VGLL4: variants seen among roughly 807,000 people sequenced by gnomAD.
The protein encoded by VGLL4 is transcription cofactor vestigial-like protein 4.
VGLL4 carries 7 observed loss-of-function variants against 21.0 expected under a neutral mutation model. That is an observed-to-expected ratio of 0.33 (90% CI 0.19 to 0.63). The LOEUF (loss-of-function observed/expected upper bound fraction) is 0.63. VGLL4 is among the 20% of genes least tolerant of loss of function. The probability of loss-of-function intolerance (pLI) is 0.78; values close to 1 mark genes in which losing one functional copy is unlikely to be tolerated. For synonymous variants in VGLL4, 222 were observed against 173.2 expected, an observed-to-expected ratio of 1.28 and a Z score of -2.21; for missense variants, 394 against 425.7, an observed-to-expected ratio of 0.93 and a Z score of 0.66.
In VGLL4 at chr3:11,643,432, T is replaced by A. The variant is rs2075734584; in HGVS notation, c.82+5A>T. The A allele has an allele frequency of 6.2e-7, 1 of 1,614,004 alleles. No homozygotes were observed. Among genetic ancestry groups the A allele is most frequent in the Admixed American group, 1.7e-5 (1 of 60,030 alleles). Reference sequence around the variant, plus strand: ...CGGGCAGTAATTCTACAACGGGACATCTACCTTCGTAGCACAGAATGCCGA... The same window carrying A: ...CGGGCAGTAATTCTACAACGGGACAACTACCTTCGTAGCACAGAATGCCGA... On this transcript the variant is annotated splice_donor_5th_base_variant and intron_variant, in intron 1 of 4. Transcript: ENST00000430365.
At chr3:11,585,567 A>C (rs2074343392) in intron 2 of VGLL4, among the ~76,000 whole-genome samples, 1 of 148,606 alleles carries the variant, frequency 6.7e-6, no homozygotes, top group Non-Finnish European at 1.5e-5. Context: ...TGTAGGTTTA[A>C]GGAGAAAAAG....
upstream of VGLL4, among the ~76,000 whole-genome samples, chr3:11,647,989 T>A (rs949313872): frequency 3.3e-4 from 48 of 147,464 alleles, no homozygotes; most frequent in African/African-American, 9.2e-4. Flanking sequence ...AGCTCATCCA[T>A]AAAAAAAAAA....
chr3:11,567,664 CA>C (rs1390529504), intron 2 of VGLL4, among the ~76,000 whole-genome samples: 1 of 152,200 alleles, frequency 6.6e-6, no homozygotes, highest in African/African-American at 2.4e-5. Context: ...TGATCCCAGA[CA>C]CCGATGTCAC....
chr3:11,602,103 C>T lies in VGLL4; in HGVS notation c.83-81G>A. On this transcript the variant is annotated intron_variant, in intron 1 of 4. Transcript: ENST00000430365. ...CCCCCAGGCTCCCCGCCCGCCCAGC[C>T]AGCCCCTTACAAAACTACTCCCAGT... is the stretch of plus-strand genomic sequence containing the variant. 5 of 1,339,642 alleles carry T rather than the reference C, an allele frequency of 3.7e-6. 1 individual carries two copies. In the South Asian group the frequency reaches 8.7e-5, roughly 23 times the overall value. The allele number at this position is 1,339,642 out of a possible 1,614,324, so 83.0% of individuals were successfully genotyped here.
intron 2 of VGLL4, chr3:11,569,002 G>A: frequency 2.0e-6 from 2 of 1,025,104 alleles, no homozygotes; most frequent in Non-Finnish European, 2.4e-6. Flanking sequence ...CATCATCCAG[G>A]ACAGAGCTTT....
At chr3:11,718,684 C>G (rs138693594) in intron 1 of VGLL4, among the ~76,000 whole-genome samples, 1,763 of 151,880 alleles carry the variant, frequency 0.012, 32 homozygotes, top group African/African-American at 0.04. Context: ...GGGTATAGAA[C>G]AAGATATTAA....
At position 11,558,532 on chromosome 3, in the gene VGLL4, GTGT is replaced by G. The variant is rs757854006; in HGVS notation, c.*21_*23del. ...GCTCAGGCAAACCATGCAGATCCAC[GTGT>G]TGTTGGAGGAGGCGCTCCCTTCAGG... On this transcript the variant is annotated 3_prime_UTR_variant, in exon 5 of 5. Transcript: ENST00000430365. 6.8e-6 allele frequency: 10 copies of G among 1,475,436 alleles called. No individual in the cohort carries two copies. The highest frequency in any genetic ancestry group is 1.5e-5 in the African/African-American group (1 of 67,914). 91.4% of individuals were successfully genotyped at this position (1,475,436 alleles called of 1,614,324 possible).
chr3:11,683,072 C>T (rs2076398610), intron 2 of VGLL4, among the ~76,000 whole-genome samples: 1 of 151,882 alleles, frequency 6.6e-6, no homozygotes, highest in Non-Finnish European at 1.5e-5. Flanking sequence ...ACTAAAAATA[C>T]AAAAACCAGC....
In VGLL4 at chr3:11,568,882, CCCGGCCCCGCCCCGGGCCT is replaced by C; in HGVS notation, c.273-3882_273-3864del. On this transcript the variant is annotated intron_variant, in intron 2 of 4. Coordinates refer to ENST00000430365, the MANE Select transcript of VGLL4 (RefSeq NM_001128219.3). This position sits in a 1 kb window ranked among gnomAD's most constrained non-coding sequence, Gnocchi z 5.9. ...TCAGAGCCGCTGAGGCTGCACGGCA[CCCGGCCCCGCCCCGGGCCT>C]CATCCCCATCCTAGGCGGGCACTTC... is the stretch of plus-strand genomic sequence containing the variant. 2.2e-6 allele frequency: 3 copies of C among 1,337,260 alleles called. No homozygotes were observed. The highest frequency in any genetic ancestry group is 2.9e-6 in the Non-Finnish European group (3 of 1,041,744). The allele number at this position is 1,337,260 out of a possible 1,614,324, so 82.8% of individuals were successfully genotyped here.
chr3:11,561,484 C>T (rs373869317), intron 3 of VGLL4, among the ~76,000 whole-genome samples: 3 of 152,318 alleles, frequency 2.0e-5, no homozygotes, highest in East Asian at 3.9e-4. Context: ...TCCTCCTCCC[C>T]ACAACCCAGG....
intron 1 of VGLL4, among the ~76,000 whole-genome samples, chr3:11,704,595 T>A (rs949923653): frequency 1.3e-5 from 2 of 151,988 alleles, no homozygotes; most frequent in African/African-American, 2.4e-5. Flanking sequence ...GCAGCATTCT[T>A]CCAAAGCATT....
chr3:11,572,800 G>A (rs949106034), intron 2 of VGLL4, among the ~76,000 whole-genome samples: 1 of 152,100 alleles, frequency 6.6e-6, no homozygotes, highest in Non-Finnish European at 1.5e-5. Flanking sequence ...TCTTCCATAC[G>A]AATACACCAC....
At chr3:11,583,669 C>T (rs2074292580) in intron 2 of VGLL4, among the ~76,000 whole-genome samples, 1 of 152,194 alleles carries the variant, frequency 6.6e-6, no homozygotes, top group Admixed American at 6.5e-5. Context: ...GCTGCAATCC[C>T]ACTCTCGTCA....
rs757511716 is a variant in VGLL4, at chr3:11,601,851, C to A, written c.254G>T (p.Arg85Leu). 3 of 1,613,486 alleles carry A rather than the reference C, an allele frequency of 1.9e-6. No homozygotes were observed. Among genetic ancestry groups the A allele is most frequent in the South Asian group, 2.2e-5 (2 of 91,048 alleles). The change falls in exon 2 of 5, where the codon CGC becomes CTC. Residue 85 changes from arginine (R) to leucine (L), a missense_variant. Physicochemically the swap from Arg to Leu is moderately radical, Grantham distance 102. Coordinates refer to ENST00000430365, the MANE Select transcript of VGLL4 (RefSeq NM_001128219.3). ...CDNDHVSKMSRIFNPHLNKTA... is the reference protein window; with the variant it reads ...CDNDHVSKMSLIFNPHLNKTA... ...AACTCACAGATGGGGGTTGAAGATG[C>A]GACTCATTTTGGAGACGTGGTCGTT...
At chr3:11,606,774 A>T (rs535868780) in intron 1 of VGLL4, among the ~76,000 whole-genome samples, 1 of 152,182 alleles carries the variant, frequency 6.6e-6, no homozygotes, top group Non-Finnish European at 1.5e-5. Context: ...GCAGGGACAA[A>T]TAAGGGAATA....
chr3:11,688,453 T>G (rs1470081560), intron 2 of VGLL4, among the ~76,000 whole-genome samples: 2 of 152,226 alleles, frequency 1.3e-5, no homozygotes, highest in African/African-American at 2.4e-5. Flanking sequence ...TTTAGGTTTT[T>G]AACCTCTTTC....
intron 2 of VGLL4, among the ~76,000 whole-genome samples, chr3:11,662,678 G>GAA (rs1354942273): frequency 2.0e-5 from 3 of 152,206 alleles, no homozygotes; most frequent in Admixed American, 6.5e-5. Flanking sequence ...GACAGGAACA[G>GAA]AAGTCTGCTT....
intron 1 of VGLL4, among the ~76,000 whole-genome samples, chr3:11,619,881 C>T (rs1271250361): frequency 6.6e-6 from 1 of 152,156 alleles, no homozygotes; most frequent in Non-Finnish European, 1.5e-5. Flanking sequence ...TGCATCTAAT[C>T]TTCTAAGACT....
rs560210984 is a variant in VGLL4 at position 11,643,833 on chromosome 3, C to T, written c.-315G>A. On this transcript the variant is annotated 5_prime_UTR_variant, in exon 1 of 5. Coordinates refer to ENST00000430365, the MANE Select transcript of VGLL4 (RefSeq NM_001128219.3). The stretch of plus-strand genomic sequence containing the variant: ...AATGGAAAAGAGTGAAAAAGAGAAA[C>T]GCGCAGCCCGTTTCCTAGGACAAAG... 9 of 1,067,214 alleles carry T rather than the reference C, an allele frequency of 8.4e-6. No homozygotes were observed. The African/African-American group carries it at 1.0e-4, about 12-fold the overall frequency. 66.1% of individuals were successfully genotyped at this position (1,067,214 alleles called of 1,614,324 possible). A position where few individuals can be genotyped will look rare whatever the true frequency, so the allele number is the denominator to read the frequency against.
Sources: allele counts gnomAD v4.1 joint callset (sites outside exome capture counted in the v4.1 genomes callset), GRCh38; gene constraint gnomAD v4.1.1; non-coding constraint Gnocchi (gnomAD v3.1); transcripts MANE v1.5; gene names NCBI Gene and HGNC (gene_info 2026-07-23, HGNC 2026-07-21).